The following RILPL1 variants were observed in gnomAD, a reference collection of about 807,000 sequenced individuals.
RILPL1 encodes RILP-like protein 1.
A neutral mutation model predicts 50.3 loss-of-function variants in RILPL1; 33 were observed. That is an observed-to-expected ratio of 0.66 (90% CI 0.50 to 0.88). The LOEUF is 0.88. RILPL1 is among the 40% of genes least tolerant of loss of function. The pLI, the probability that RILPL1 is intolerant of heterozygous loss-of-function variation, is 0.00. For synonymous variants in RILPL1, 205 were observed against 228.6 expected (o/e 0.90, Z 0.93); for missense variants, 418 against 542.5 (o/e 0.77, Z 2.28).
intron 6 of RILPL1, among the ~76,000 whole-genome samples, chr12:123,480,627 A>AGAT (rs1881907594): frequency 1.3e-5 from 2 of 151,976 alleles, no homozygotes; most frequent in Non-Finnish European, 2.9e-5. Context: ...AAAGCATACA[A>AGAT]GATAGATTCT....
At chr12:123,476,794 G>A (rs1174720677) in intron 6 of RILPL1, among the ~76,000 whole-genome samples, 3 of 152,258 alleles carry the variant, frequency 2.0e-5, no homozygotes, top group Non-Finnish European at 4.4e-5. Flanking sequence ...TGAGTCTGCA[G>A]TATTTTGTTA....
At position 123,491,652 on chromosome 12, in the gene RILPL1, CCTGT is replaced by C. The variant is rs1173500734; in HGVS notation, c.802-5851_802-5848del. Among the ~76,000 whole-genome samples, 2 of 152,196 alleles carry C rather than the reference CCTGT, an allele frequency of 1.3e-5. No homozygotes were observed. Among genetic ancestry groups the C allele is most frequent in the Non-Finnish European group, 2.9e-5 (2 of 68,034 alleles). Reference sequence around the variant, plus strand: ...CTGCCCGCCTTTCAGCCAGCATACGCCTGTCTGCTTTCCCTATGCAGGCAGCCCG... The same window carrying C: ...CTGCCCGCCTTTCAGCCAGCATACGCCTGCTTTCCCTATGCAGGCAGCCCG... On this transcript the variant is annotated intron_variant, in intron 4 of 6. Coordinates refer to ENST00000376874, the MANE Select transcript of RILPL1 (RefSeq NM_178314.5). The surrounding 1 kb of genome is among the most constrained non-coding windows in gnomAD (Gnocchi z 4.0).
At chr12:123,520,388 G>A (rs577542680) in intron 2 of RILPL1, among the ~76,000 whole-genome samples, 14 of 152,272 alleles carry the variant, frequency 9.2e-5, no homozygotes, top group South Asian at 2.1e-4. Context: ...GTGAAATCCC[G>A]TCTCTATTAA....
intron 2 of RILPL1, among the ~76,000 whole-genome samples, chr12:123,503,872 A>G (rs1245338758): frequency 1.3e-5 from 2 of 151,856 alleles, no homozygotes; most frequent in East Asian, 3.9e-4. Flanking sequence ...ATGGTGGTGC[A>G]CGCCTGTAAT....
At chr12:123,477,195 A>T (rs924215198) in intron 6 of RILPL1, among the ~76,000 whole-genome samples, 6 of 152,160 alleles carry the variant, frequency 3.9e-5, no homozygotes, top group African/African-American at 1.4e-4. Context: ...AAAAGCTATA[A>T]TTTTTTTAAA....
intron 2 of RILPL1, among the ~76,000 whole-genome samples, chr12:123,502,122 G>T (rs74592526): frequency 0.069 from 10,449 of 151,208 alleles, 1,133 homozygotes; most frequent in African/African-American, 0.23. Flanking sequence ...TTTGGGAGTA[G>T]AGCGTTGCAA....
chr12:123,505,105 A>G (rs1883651505), intron 2 of RILPL1, among the ~76,000 whole-genome samples: 1 of 152,056 alleles, frequency 6.6e-6, no homozygotes, highest in Non-Finnish European at 1.5e-5. Context: ...CAGTGGCACG[A>G]TCTTGGCTTA....
intron 2 of RILPL1, among the ~76,000 whole-genome samples, chr12:123,512,220 T>C (rs1010563826): frequency 7.0e-6 from 1 of 141,962 alleles, no homozygotes. Context: ...GAGGTCTGTG[T>C]GTGGTGTGTG....
rs749657516 is a variant in RILPL1, at chr12:123,516,033, C to CAAAAAAAAAAAAAAAAAAAAAAA, written c.460+7439_460+7461dup. On this transcript the variant is annotated intron_variant, in intron 2 of 6. Transcript: ENST00000376874. Reference sequence around the variant, plus strand: ...TGGGCCACAGAGCGAGACTCTGTCTCAAAAAAAAAAAAAAAAAAAAAAAAA... The same window carrying CAAAAAAAAAAAAAAAAAAAAAAA: ...TGGGCCACAGAGCGAGACTCTGTCTCAAAAAAAAAAAAAAAAAAAAAAAAAAAAAAAAAAAAAAAAAAAAAAAA... 1.9e-4 allele frequency among the ~76,000 whole-genome samples: 7 copies of CAAAAAAAAAAAAAAAAAAAAAAA among 36,192 alleles called. 1 individual carries two copies. The highest frequency in any genetic ancestry group is 3.2e-4 in the Non-Finnish European group (6 of 18,648). The allele number at this position is 36,192 out of a possible 152,430, so 23.7% of individuals were successfully genotyped here. A position where few individuals can be genotyped will look rare whatever the true frequency, so the allele number is the denominator to read the frequency against.
intron 2 of RILPL1, among the ~76,000 whole-genome samples, chr12:123,516,062 GC>G (rs144452417): frequency 0.017 from 1,579 of 93,402 alleles, 95 homozygotes; most frequent in African/African-American, 0.072. Flanking sequence ...AAAAAAAAAT[GC>G]CCCGAGATGA....
chr12:123,486,113 C>T (rs1882317485), intron 4 of RILPL1, among the ~76,000 whole-genome samples: 1 of 152,212 alleles, frequency 6.6e-6, no homozygotes, highest in Admixed American at 6.5e-5. Context: ...TGTCACACCT[C>T]CCCTGCCCCC....
chr12:123,523,946 A>G (rs1160292300), intron 1 of RILPL1, among the ~76,000 whole-genome samples: 44 of 152,256 alleles, frequency 2.9e-4, no homozygotes, highest in Admixed American at 2.9e-3. Flanking sequence ...TAGACAGAGC[A>G]GCCCCAGGAT....
intron 2 of RILPL1, among the ~76,000 whole-genome samples, chr12:123,510,762 A>G (rs1326244548): frequency 6.3e-5 from 3 of 47,578 alleles, no homozygotes; most frequent in Admixed American, 2.4e-4. Flanking sequence ...GTGTGTGTGA[A>G]TGTGGGGTCT....
intron 2 of RILPL1, among the ~76,000 whole-genome samples, chr12:123,504,458 G>C (rs1883612065): frequency 6.6e-6 from 1 of 152,146 alleles, no homozygotes. Context: ...CACAAAGCCA[G>C]GTAAGGCCTG....
rs1002011400 is a variant in RILPL1, at chr12:123,491,616, A to G, written c.802-5811T>C. Among the ~76,000 whole-genome samples, 7 of 152,194 alleles carry G rather than the reference A, an allele frequency of 4.6e-5. No individual in the cohort carries two copies. The highest frequency in any genetic ancestry group is 1.4e-4 in the African/African-American group (6 of 41,452). The stretch of plus-strand genomic sequence containing the variant: ...CACCACCAGGCCTAGCATAAATTCA[A>G]TGCATAAATTCTGCCCGCCTTTCAG... On this transcript the variant is annotated intron_variant, in intron 4 of 6. Transcript: ENST00000376874. The surrounding 1 kb of genome is among the most constrained non-coding windows in gnomAD (Gnocchi z 4.0).
chr12:123,485,255 A>G lies in RILPL1; in HGVS notation c.974+378T>C, dbSNP rs1209071735. The G allele has an allele frequency of 2.2e-6, 1 of 462,702 alleles. No homozygotes were observed. The highest frequency in any genetic ancestry group is 2.3e-5 in the Admixed American group (1 of 42,716). 28.7% of individuals were successfully genotyped at this position (462,702 alleles called of 1,614,324 possible). On this transcript the variant is annotated intron_variant, in intron 5 of 6. Coordinates refer to ENST00000376874, the MANE Select transcript of RILPL1 (RefSeq NM_178314.5). This position sits in a 1 kb window ranked among gnomAD's most constrained non-coding sequence, Gnocchi z 4.0. ...TAAAGCAAGCATGAGAGTGAACAGG[A>G]TAATGTAGGAGGTGAAAAGGGCCAC...
intron 2 of RILPL1, among the ~76,000 whole-genome samples, chr12:123,502,380 C>T (rs537604909): frequency 1.3e-5 from 2 of 152,216 alleles, no homozygotes; most frequent in African/African-American, 2.4e-5. Context: ...GTCGTTTTTC[C>T]AGAGTCTTTT....
chr12:123,500,442 G>A (rs1206080718), intron 2 of RILPL1, among the ~76,000 whole-genome samples: 3 of 151,464 alleles, frequency 2.0e-5, no homozygotes, highest in East Asian at 2.0e-4. Context: ...GTGCTACCTC[G>A]CCTGGCTAAT....
At chr12:123,526,852 T>C (rs1885278858) in intron 1 of RILPL1, among the ~76,000 whole-genome samples, 1 of 152,156 alleles carries the variant, frequency 6.6e-6, no homozygotes, top group Non-Finnish European at 1.5e-5. Context: ...AGAAAGAGGC[T>C]CATCCAGCCC....
Sources: gnomAD v4.1 joint callset for allele counts (sites outside exome capture counted in the v4.1 genomes callset) on GRCh38, gnomAD v4.1.1 for gene constraint, Gnocchi (gnomAD v3.1) non-coding constraint, MANE v1.5 for transcripts, NCBI Gene and HGNC (gene_info 2026-07-23, HGNC 2026-07-21) for gene names.